ASTN2: variants seen among roughly 807,000 people sequenced by gnomAD.
ASTN2 encodes astrotactin-2.
A neutral mutation model predicts 139.8 loss-of-function variants in ASTN2; 54 were observed. That is an observed-to-expected ratio of 0.39 (90% confidence interval 0.31 to 0.48). The LOEUF is 0.48. Among genes scored for constraint, ASTN2 ranks in the 20% least tolerant of loss-of-function variants. The pLI is 0.95. For synonymous variants in ASTN2, 756 were observed against 719.5 expected, an observed-to-expected ratio of 1.05 and a Z score of -0.81; for missense variants, 1,565 against 1,725.1, an observed-to-expected ratio of 0.91 and a Z score of 1.64.
chr9:117,056,375 C>G (rs921895336), intron 5 of ASTN2, among the ~76,000 whole-genome samples: 1 of 152,182 alleles, frequency 6.6e-6, no homozygotes, highest in Admixed American at 6.5e-5. Flanking sequence ...TTAGAAGAGA[C>G]TTCCATTCAT....
intron 1 of ASTN2, among the ~76,000 whole-genome samples, chr9:117,391,342 G>T (rs895374503): frequency 6.6e-6 from 1 of 152,166 alleles, no homozygotes; most frequent in East Asian, 1.9e-4. Flanking sequence ...GAGGTTTATT[G>T]GATTTACAGT....
chr9:116,612,227 C>A (rs149833883), intron 19 of ASTN2: 2 of 152,150 alleles, frequency 1.3e-5, no homozygotes, highest in African/African-American at 4.8e-5. Context: ...TAAAGCAAGT[C>A]CTTAGAGACT....
At chr9:117,101,918 T>C (rs1828987965) in intron 4 of ASTN2, among the ~76,000 whole-genome samples, 1 of 152,192 alleles carries the variant, frequency 6.6e-6, no homozygotes, top group African/African-American at 2.4e-5. Flanking sequence ...GGAACCCTCA[T>C]ACATTGCTGC....
At chr9:116,820,386 T>C (rs140995102) in intron 12 of ASTN2, among the ~76,000 whole-genome samples, 1 of 152,352 alleles carries the variant, frequency 6.6e-6, no homozygotes, top group East Asian at 1.9e-4. Context: ...GGGTTATATT[T>C]ATTACATTTA....
chr9:116,759,299 C>T (rs1273655557), intron 13 of ASTN2, among the ~76,000 whole-genome samples: 1 of 152,148 alleles, frequency 6.6e-6, no homozygotes, highest in African/African-American at 2.4e-5. Context: ...ATTTCCTAGA[C>T]CTTTAGCCCT....
At chr9:117,181,282 C>A (rs1337082337) in intron 3 of ASTN2, 5 of 457,278 alleles carry the variant, frequency 1.1e-5, no homozygotes, top group Non-Finnish European at 2.0e-5. Flanking sequence ...GATGGGGAAA[C>A]TGAAGCCCAG....
At chr9:117,221,157 A>G (rs1832503066) in intron 2 of ASTN2, among the ~76,000 whole-genome samples, 1 of 152,202 alleles carries the variant, frequency 6.6e-6, no homozygotes, top group Admixed American at 6.5e-5. Context: ...AAGGCACCTG[A>G]CCAAACCTCG....
chr9:116,687,036 A>C, intron 16 of ASTN2: 1 of 1,359,656 alleles, frequency 7.4e-7, no homozygotes, highest in Non-Finnish European at 9.5e-7. Flanking sequence ...CTGGAGTCAG[A>C]TACGCATTCT....
chr9:116,836,548 C>T (rs879388491), intron 11 of ASTN2, among the ~76,000 whole-genome samples: 5 of 151,774 alleles, frequency 3.3e-5, no homozygotes, highest in Admixed American at 6.6e-5. Context: ...GTCCTTTTCC[C>T]GGTATTTTGG....
intron 3 of ASTN2, among the ~76,000 whole-genome samples, chr9:117,179,944 T>C (rs945016819): frequency 2.6e-5 from 4 of 152,188 alleles, no homozygotes; most frequent in African/African-American, 9.6e-5. Flanking sequence ...TCTGAGATCA[T>C]TGGTTCTCAT....
At chr9:117,060,610 C>T (rs62564936) in intron 5 of ASTN2, among the ~76,000 whole-genome samples, 31,889 of 119,190 alleles carry the variant, frequency 0.27, 5,240 homozygotes, top group Middle Eastern at 0.44. Context: ...GAAGGAAGGG[C>T]GGGCCAGGGG....
At chr9:117,342,798 GA>G (rs1398326254) in intron 1 of ASTN2, among the ~76,000 whole-genome samples, 2 of 152,154 alleles carry the variant, frequency 1.3e-5, no homozygotes, top group African/African-American at 4.8e-5. Context: ...TAACAATGCG[GA>G]CCAGGAACCC....
chr9:117,341,049 G>A lies in ASTN2; in HGVS notation c.443-49536C>T, dbSNP rs569228104. On this transcript the variant is annotated intron_variant, in intron 1 of 22. Transcript: ENST00000313400. ...ACCCAAGGTTATCCTTGATTACAAG[G>A]TCAAAGTGAAGAGATATACAGGATT... is the stretch of plus-strand genomic sequence containing the variant. 1.6e-3 allele frequency among the ~76,000 whole-genome samples: 251 copies of A among 152,246 alleles called. 4 individuals are homozygous for A. Among genetic ancestry groups the A allele is most frequent in the East Asian group, 7.8e-4 (4 of 5,160 alleles).
chr9:116,808,124 C>T (rs1831074649), intron 12 of ASTN2, among the ~76,000 whole-genome samples: 1 of 151,958 alleles, frequency 6.6e-6, no homozygotes, highest in Non-Finnish European at 1.5e-5. Context: ...AAAAACAAAA[C>T]AAAACAAAAC....
rs571155204 is a variant in ASTN2 at position 116,776,836 on chromosome 9, T to A, written c.2396+28796A>T. Among the ~76,000 whole-genome samples the A allele has an allele frequency of 2.6e-5, 4 of 152,256 alleles. No homozygotes were observed. In the South Asian group the frequency reaches 8.3e-4, roughly 32 times the overall value. On this transcript the variant is annotated intron_variant, in intron 13 of 22. Coordinates refer to ENST00000313400, the MANE Select transcript of ASTN2 (RefSeq NM_001365068.1). The stretch of plus-strand genomic sequence containing the variant: ...ATTGAGTAAAATAATTGGACGAATG[T>A]GCCCAGAGATAATCTGTAAGCATTG...
At chr9:116,886,883 G>A (rs1245092485) in intron 10 of ASTN2, among the ~76,000 whole-genome samples, 2 of 152,040 alleles carry the variant, frequency 1.3e-5, no homozygotes, top group Non-Finnish European at 2.9e-5. Context: ...TGTGGTTTAA[G>A]AGTTAAATAT....
At chr9:117,249,226 T>A (rs1056986871) in intron 2 of ASTN2, among the ~76,000 whole-genome samples, 23 of 152,066 alleles carry the variant, frequency 1.5e-4, no homozygotes, top group Middle Eastern at 3.2e-3. Flanking sequence ...TAAACCCTAA[T>A]GGAAAAGAAG....
rs191802675 is a variant in ASTN2, at chr9:117,345,313, A to T, written c.443-53800T>A. Among the ~76,000 whole-genome samples the T allele has an allele frequency of 2.2e-3, 339 of 152,322 alleles. 1 individual carries two copies. The highest frequency in any genetic ancestry group is 7.0e-3 in the African/African-American group (290 of 41,586). The stretch of plus-strand genomic sequence containing the variant: ...GGCCTTCAGTAGAAAATAAAGAGTT[A>T]AAAATCCCTGACCAGATGGATTTAC... On this transcript the variant is annotated intron_variant, in intron 1 of 22. Transcript: ENST00000313400.
chr9:117,027,626 A>T (rs537234413), intron 6 of ASTN2, among the ~76,000 whole-genome samples: 7 of 152,142 alleles, frequency 4.6e-5, no homozygotes, highest in Non-Finnish European at 7.4e-5. Flanking sequence ...AAATGGGAAA[A>T]GATGCTAGCA....
Sources: allele counts gnomAD v4.1 joint callset (sites outside exome capture counted in the v4.1 genomes callset), GRCh38; gene constraint gnomAD v4.1.1; transcripts MANE v1.5; gene names NCBI Gene and HGNC (gene_info 2026-07-23, HGNC 2026-07-21).